The following GSTA3 variants were observed in gnomAD, a reference collection of about 807,000 sequenced individuals.
The protein encoded by GSTA3 is glutathione S-transferase A3.
A neutral mutation model predicts 23.1 loss-of-function variants in GSTA3; 16 were observed. The observed-to-expected ratio is 0.69, with a 90% CI of 0.47 to 1.05. The LOEUF is 1.05. Ranked by LOEUF, GSTA3 falls within the 50% of genes least tolerant of loss-of-function variation. The probability of loss-of-function intolerance (pLI) is 0.00; values close to 1 mark genes in which losing one functional copy is unlikely to be tolerated. For synonymous variants in GSTA3, 122 were observed against 91.0 expected (o/e 1.34, Z -1.94); for missense variants, 319 against 263.6 (o/e 1.21, Z -1.46).
intron 4 of GSTA3, among the ~76,000 whole-genome samples, chr6:52,900,797 C>T (rs576324649): frequency 4.5e-4 from 69 of 152,290 alleles, no homozygotes; most frequent in African/African-American, 1.6e-3. Flanking sequence ...AGACTTTTCT[C>T]CTAAGTAATC....
intron 3 of GSTA3, among the ~76,000 whole-genome samples, 198 bp downstream of exon 3, chr6:52,903,478 T>A (rs1273576256): frequency 6.6e-6 from 1 of 150,622 alleles, no homozygotes; most frequent in Admixed American, 6.6e-5. Context: ...GCGCCTGTAG[T>A]CCCAGCTACT....
chr6:52,897,734 G>A, intron 6 of GSTA3, 91 bp downstream of exon 6: 3 of 1,456,182 alleles, frequency 2.1e-6, no homozygotes, highest in South Asian at 1.2e-5. Flanking sequence ...AAAAGGCTGG[G>A]GTCAGAACAT....
intron 6 of GSTA3, 97 bp downstream of exon 6, chr6:52,897,728 G>A: frequency 1.4e-6 from 2 of 1,409,800 alleles, no homozygotes; most frequent in Non-Finnish European, 1.0e-6. Context: ...GCCTGAAAAA[G>A]GCTGGGGTCA....
intron 5 of GSTA3, among the ~76,000 whole-genome samples, chr6:52,898,803 C>T (rs1032556012): frequency 6.6e-6 from 1 of 152,156 alleles, no homozygotes. Context: ...TGAGCGCACA[C>T]TTGGACAAAG....
At chr6:52,904,027 C>T (rs571603) in intron 2 of GSTA3, among the ~76,000 whole-genome samples, 29,188 of 151,352 alleles carry the variant, frequency 0.19, 5,296 homozygotes, top group African/African-American at 0.44. Flanking sequence ...CACTTTGTCG[C>T]CCAGGCTTAA....
intron 5 of GSTA3, among the ~76,000 whole-genome samples, chr6:52,899,313 C>T (rs1231691116): frequency 6.6e-6 from 1 of 152,144 alleles, no homozygotes; most frequent in Non-Finnish European, 1.5e-5. Context: ...ACAGGGTGAA[C>T]TTGAATTCAT....
chr6:52,900,510 G>A (rs761938818), intron 4 of GSTA3, among the ~76,000 whole-genome samples: 12 of 152,030 alleles, frequency 7.9e-5, no homozygotes, highest in South Asian at 4.2e-4. Flanking sequence ...TGATCCACCC[G>A]CCTTGGCCTC....
intron 4 of GSTA3, among the ~76,000 whole-genome samples, chr6:52,901,574 C>T (rs1490222216): frequency 3.3e-5 from 5 of 152,106 alleles, no homozygotes; most frequent in Non-Finnish European, 5.9e-5. Context: ...ATGAAAATTG[C>T]CGTTATTTGC....
rs1339889984 is a variant in GSTA3 at position 52,896,875 on chromosome 6, A to G, written c.600T>C (p.Pro200=). 3.1e-6 allele frequency: 5 copies of G among 1,613,968 alleles called. No homozygotes were observed. The highest frequency in any genetic ancestry group is 2.2e-5 in the South Asian group (2 of 91,082). The stretch of plus-strand genomic sequence containing the variant: ...CTGCGGGAGGCTTCCTTGGGCTGCC[A>G]GGCTGTAGAAACTTCTTCACCGTGG... ...NLPTVKKFLQ[P]GSPRKPPADA... is the part of the protein sequence containing the mutation. The change falls in exon 7 of 7, where the codon CCT becomes CCC. Residue 200 remains proline, a synonymous_variant. Coordinates refer to ENST00000211122, the MANE Select transcript of GSTA3 (RefSeq NM_000847.5).
chr6:52,900,962 A>G (rs557135), intron 4 of GSTA3, among the ~76,000 whole-genome samples: 69,264 of 152,018 alleles, frequency 0.46, 17,365 homozygotes, highest in African/African-American at 0.65. Flanking sequence ...GCTATTGCCC[A>G]ACTCTAGCCA....
chr6:52,904,164 C>T (rs554408103), intron 2 of GSTA3, among the ~76,000 whole-genome samples: 1 of 151,860 alleles, frequency 6.6e-6, no homozygotes, highest in African/African-American at 2.4e-5. Context: ...TTTTTTATTT[C>T]TATTTTGTAG....
At chr6:52,903,067 G>A (rs1459616675) in intron 3 of GSTA3, among the ~76,000 whole-genome samples, 1 of 152,150 alleles carries the variant, frequency 6.6e-6, no homozygotes, top group East Asian at 1.9e-4. Flanking sequence ...CTGAGCTGAT[G>A]ACCTCAGCTC....
At position 52,905,736 on chromosome 6, in the gene GSTA3, C is replaced by T. The variant is rs752911013; in HGVS notation, c.87+12G>A. On this transcript the variant is annotated intron_variant, in intron 2 of 6. Transcript: ENST00000211122. ...TTAGGTCCAACTTAAGATGACCTAACTTAGAACATACCTCCACTCCAGCTG... is the reference window on the plus strand; with the variant it reads ...TTAGGTCCAACTTAAGATGACCTAATTTAGAACATACCTCCACTCCAGCTG... 2 of 1,523,416 alleles carry T rather than the reference C, an allele frequency of 1.3e-6. No homozygotes were observed. Among genetic ancestry groups the T allele is most frequent in the South Asian group, 2.3e-5 (2 of 88,654 alleles). The allele number at this position is 1,523,416 out of a possible 1,614,324, so 94.4% of individuals were successfully genotyped here.
intron 6 of GSTA3, among the ~76,000 whole-genome samples, chr6:52,897,514 A>G (rs540857060): frequency 7.2e-4 from 109 of 152,324 alleles, no homozygotes; most frequent in African/African-American, 2.4e-3. Context: ...GTCTTGGGAT[A>G]AAGGGAATCA....
chr6:52,902,985 A>G (rs1765744886), intron 3 of GSTA3, among the ~76,000 whole-genome samples: 3 of 152,284 alleles, frequency 2.0e-5, no homozygotes, highest in South Asian at 4.2e-4. Context: ...GGTAATGGCC[A>G]CATCTATTTC....
In GSTA3 at chr6:52,897,645, C is replaced by T. The variant is rs148109797; in HGVS notation, c.546+180G>A. ...GGTAGCATGACCACAAATTTCCTTT[C>T]CAGAACAAGAGTCTTTTCATGCCTC... On this transcript the variant is annotated intron_variant, in intron 6 of 6. Transcript: ENST00000211122. 4.7e-4 allele frequency among the ~76,000 whole-genome samples: 71 copies of T among 152,194 alleles called. 1 individual carries two copies. In the East Asian group the frequency reaches 0.013, roughly 29 times the overall value.
intron 6 of GSTA3, among the ~76,000 whole-genome samples, chr6:52,897,366 G>A (rs1765484947): frequency 6.6e-6 from 1 of 152,234 alleles, no homozygotes; most frequent in African/African-American, 2.4e-5. Flanking sequence ...AGGGTTGGGG[G>A]CAGTGTGTTG....
intron 1 of GSTA3, among the ~76,000 whole-genome samples, chr6:52,908,497 A>C (rs922129594): frequency 1.3e-5 from 2 of 152,176 alleles, no homozygotes; most frequent in African/African-American, 4.8e-5. Flanking sequence ...CCTGGGTGAC[A>C]GAATGAGACT....
At chr6:52,907,977 TAATA>T (rs1225523451) in intron 1 of GSTA3, among the ~76,000 whole-genome samples, 1 of 150,854 alleles carries the variant, frequency 6.6e-6, no homozygotes, top group Non-Finnish European at 1.5e-5. Flanking sequence ...AGTATAATAA[TAATA>T]AATAAATAAA....
Sources: gnomAD v4.1 joint callset for allele counts (sites outside exome capture counted in the v4.1 genomes callset) on GRCh38, gnomAD v4.1.1 for gene constraint, MANE v1.5 for transcripts, NCBI Gene and HGNC (gene_info 2026-07-23, HGNC 2026-07-21) for gene names.